The following VGLL4 variants were observed in gnomAD, a reference collection of about 807,000 sequenced individuals.
The protein encoded by VGLL4 is transcription cofactor vestigial-like protein 4.
VGLL4 carries 7 observed loss-of-function variants against 21.0 expected under a neutral mutation model. The observed-to-expected ratio is 0.33, with a 90% CI of 0.19 to 0.63. VGLL4 has a LOEUF of 0.63. Ranked by LOEUF, VGLL4 falls within the 20% of genes least tolerant of loss-of-function variation. VGLL4 has a pLI of 0.78. For missense variants in VGLL4, 394 were observed against 425.7 expected (o/e 0.93, Z 0.66); for synonymous variants, 222 against 173.2 (o/e 1.28, Z -2.21).
intron 2 of VGLL4, among the ~76,000 whole-genome samples, chr3:11,671,051 G>GGAGA (rs1437607606): frequency 1.3e-5 from 2 of 152,170 alleles, no homozygotes; most frequent in Non-Finnish European, 2.9e-5. Flanking sequence ...ATTTTAAAAA[G>GGAGA]GAGAGGGTGG....
chr3:11,667,737 T>C (rs1392944867), intron 2 of VGLL4, among the ~76,000 whole-genome samples: 1 of 152,104 alleles, frequency 6.6e-6, no homozygotes, highest in South Asian at 2.1e-4. Context: ...CCAGTATCAT[T>C]ATCCCTTGGG....
At chr3:11,690,076 T>C (rs1426479030) in intron 2 of VGLL4, among the ~76,000 whole-genome samples, 3 of 152,226 alleles carry the variant, frequency 2.0e-5, no homozygotes, top group Non-Finnish European at 4.4e-5. Context: ...TGTATAAATG[T>C]AATGCTTCGA....
At chr3:11,651,781 C>A (rs2075876615) in intron 2 of VGLL4, among the ~76,000 whole-genome samples, 1 of 151,990 alleles carries the variant, frequency 6.6e-6, no homozygotes, top group African/African-American at 2.4e-5. Flanking sequence ...GCGACATAAA[C>A]CAAATATCTA....
intron 2 of VGLL4, among the ~76,000 whole-genome samples, chr3:11,701,140 C>T (rs576772436): frequency 6.6e-6 from 1 of 152,254 alleles, no homozygotes; most frequent in Admixed American, 6.5e-5. Flanking sequence ...ACGTTGGAAG[C>T]AAGGCCTAGT....
At position 11,616,000 on chromosome 3, in the gene VGLL4, C is replaced by T. The variant is rs913372194; in HGVS notation, c.83-13978G>A. Among the ~76,000 whole-genome samples the T allele has an allele frequency of 5.3e-5, 8 of 152,218 alleles. No homozygotes were observed. In the East Asian group the frequency reaches 1.5e-3, roughly 29 times the overall value. Reference sequence around the variant, plus strand: ...ACCCCTGGGGCTGAAAGGAAGTCTTCGAACGTGGCCACCCTGCCTCCCACC... The same window carrying T: ...ACCCCTGGGGCTGAAAGGAAGTCTTTGAACGTGGCCACCCTGCCTCCCACC... On this transcript the variant is annotated intron_variant, in intron 1 of 4. Coordinates refer to ENST00000430365, the MANE Select transcript of VGLL4 (RefSeq NM_001128219.3).
intron 1 of VGLL4, among the ~76,000 whole-genome samples, chr3:11,638,904 T>C (rs2075636890): frequency 6.6e-6 from 1 of 152,088 alleles, no homozygotes. Flanking sequence ...TCCCTTCCAT[T>C]CCAGAAAATT....
chr3:11,634,814 A>AT (rs2075556817), intron 1 of VGLL4, among the ~76,000 whole-genome samples: 1 of 151,854 alleles, frequency 6.6e-6, no homozygotes, highest in South Asian at 2.1e-4. Context: ...AGTATCTGGG[A>AT]TCGCGCACCA....
chr3:11,606,566 T>C (rs1159517063), intron 1 of VGLL4, among the ~76,000 whole-genome samples: 3 of 152,184 alleles, frequency 2.0e-5, no homozygotes, highest in African/African-American at 7.2e-5. Context: ...ACAAGAGGAT[T>C]GTAAAATGCA....
At chr3:11,559,477 G>A in intron 3 of VGLL4, 22 bp from the exon 4 acceptor site, 1 of 1,539,870 alleles carries the variant, frequency 6.5e-7, no homozygotes, top group Non-Finnish European at 8.8e-7. Context: ...AGGGGTGTCA[G>A]TATGTGGAGA....
upstream of VGLL4, among the ~76,000 whole-genome samples, chr3:11,645,386 C>A (rs1386159613): frequency 6.9e-6 from 1 of 145,694 alleles, no homozygotes; most frequent in African/African-American, 2.5e-5. Context: ...GTCAGGAGAT[C>A]GAGACCATCC....
intron 1 of VGLL4, among the ~76,000 whole-genome samples, chr3:11,632,794 C>T (rs1386751341): frequency 6.6e-6 from 1 of 152,138 alleles, no homozygotes; most frequent in African/African-American, 2.4e-5. Flanking sequence ...AACATACACT[C>T]CATAAAGTCA....
At chr3:11,615,882 A>T (rs1016748227) in intron 1 of VGLL4, among the ~76,000 whole-genome samples, 10 of 152,180 alleles carry the variant, frequency 6.6e-5, no homozygotes, top group Non-Finnish European at 5.9e-5. Context: ...TGCTTAGCAA[A>T]TATTTGTTGA....
At chr3:11,641,030 T>C (rs965692681) in intron 1 of VGLL4, among the ~76,000 whole-genome samples, 4 of 146,276 alleles carry the variant, frequency 2.7e-5, no homozygotes, top group Non-Finnish European at 5.9e-5. Flanking sequence ...GGCAGGAGAA[T>C]GGCTTGAACC....
At chr3:11,566,778 T>G (rs777992487) in intron 2 of VGLL4, among the ~76,000 whole-genome samples, 1 of 152,148 alleles carries the variant, frequency 6.6e-6, no homozygotes, top group Non-Finnish European at 1.5e-5. Flanking sequence ...CCACCGTCAA[T>G]GATCTCTTCG....
intron 2 of VGLL4, among the ~76,000 whole-genome samples, chr3:11,675,364 A>C (rs1403195956): frequency 6.6e-5 from 10 of 152,036 alleles, no homozygotes; most frequent in Non-Finnish European, 1.0e-4. Context: ...AAAAATAAAA[A>C]AATAAAAAAA....
intron 2 of VGLL4, among the ~76,000 whole-genome samples, chr3:11,599,152 T>C (rs1056270385): frequency 6.6e-6 from 1 of 152,110 alleles, no homozygotes; most frequent in Non-Finnish European, 1.5e-5. Context: ...GAAAACACAG[T>C]ACAAACAATG....
Position 11,568,324 on chromosome 3 carries a change from A to G in VGLL4, c.273-3305T>C, listed in dbSNP as rs569349860. On this transcript the variant is annotated intron_variant, in intron 2 of 4. Coordinates refer to ENST00000430365, the MANE Select transcript of VGLL4 (RefSeq NM_001128219.3). This position sits in a 1 kb window ranked among gnomAD's most constrained non-coding sequence, Gnocchi z 5.9. ...AATCCAAGCATGACTATGAGACCAC[A>G]TCACAGAGGAAAGGGGTGCCAGGGC... Among the ~76,000 whole-genome samples the G allele has an allele frequency of 6.6e-6, 1 of 152,222 alleles. No homozygotes were observed. The highest frequency in any genetic ancestry group is 1.5e-5 in the Non-Finnish European group (1 of 68,042).
chr3:11,654,638 C>A (rs1447848767), intron 2 of VGLL4, among the ~76,000 whole-genome samples: 1 of 152,200 alleles, frequency 6.6e-6, no homozygotes, highest in African/African-American at 2.4e-5. Context: ...CTGTAAGTAT[C>A]TTAAAATATT....
intron 2 of VGLL4, among the ~76,000 whole-genome samples, chr3:11,586,608 G>T (rs1481774441): frequency 6.6e-6 from 1 of 152,156 alleles, no homozygotes; most frequent in Non-Finnish European, 1.5e-5. Flanking sequence ...ATTGTATTAG[G>T]TATAAGTAAG....
Sources: gnomAD v4.1 joint callset for allele counts (sites outside exome capture counted in the v4.1 genomes callset) on GRCh38, gnomAD v4.1.1 for gene constraint, Gnocchi (gnomAD v3.1) non-coding constraint, MANE v1.5 for transcripts, NCBI Gene and HGNC (gene_info 2026-07-23, HGNC 2026-07-21) for gene names.